The following COMP variants were observed in gnomAD, a reference collection of about 807,000 sequenced individuals.
COMP encodes the protein cartilage oligomeric matrix protein (pseudoachondroplasia, epiphyseal dysplasia 1, multiple).
Under a neutral mutation model 95.8 loss-of-function variants are expected in COMP, and 79 were observed. That is an observed-to-expected ratio of 0.82 (90% CI 0.69 to 0.99). The LOEUF is 0.99. COMP is among the 50% of genes least tolerant of loss of function. The pLI, the probability that COMP is intolerant of heterozygous loss-of-function variation, is 0.00. For synonymous variants in COMP, 438 were observed against 433.9 expected (o/e 1.01, Z -0.12); for missense variants, 906 against 1,076.1 (o/e 0.84, Z 2.21).
intron 1 of COMP, 36 bp from the exon 2 acceptor site, chr19:18,790,971 G>C: frequency 6.5e-7 from 1 of 1,546,868 alleles, no homozygotes. Flanking sequence ...GCGTCATGGG[G>C]CCGGGGAATC....
chr19:18,786,692 G>A, intron 10 of COMP, 42 bp from the exon 11 acceptor site: 1 of 1,506,412 alleles, frequency 6.6e-7, no homozygotes. Context: ...ATTGGGACCA[G>A]GCCAGAATGA....
In COMP at chr19:18,786,680, A is replaced by G. The variant is rs375262446; in HGVS notation, c.1136-30T>C. The G allele has an allele frequency of 3.8e-6, 6 of 1,561,056 alleles. No individual in the cohort carries two copies. The African/African-American group carries it at 8.3e-5, about 22-fold the overall frequency. On this transcript the variant is annotated intron_variant, in intron 10 of 18. Coordinates refer to ENST00000222271, the MANE Select transcript of COMP (RefSeq NM_000095.3). The stretch of plus-strand genomic sequence containing the variant: ...AGAAATCCACGGGACCAGAGCCCCA[A>G]GATTGGGACCAGGCCAGAATGACTT...
At chr19:18,787,965 G>C (rs978843227) in intron 9 of COMP, among the ~76,000 whole-genome samples, 2 of 147,996 alleles carry the variant, frequency 1.4e-5, no homozygotes, top group African/African-American at 2.5e-5. Flanking sequence ...GTGCAGTGGC[G>C]CGATCTCGGC....
intron 15 of COMP, 81 bp from the exon 16 acceptor site, chr19:18,785,173 C>T: frequency 7.4e-7 from 1 of 1,359,398 alleles, no homozygotes; most frequent in South Asian, 1.2e-5. Context: ...CCAAACCTGC[C>T]CCCTGGGTCC....
Position 18,790,116 on chromosome 19 carries a change from T to TG in COMP, c.218-3dup. 6.6e-7 allele frequency: 1 copy of TG among 1,507,402 alleles called. No homozygotes were observed. The highest frequency in any genetic ancestry group is 8.9e-7 in the Non-Finnish European group (1 of 1,128,220). The allele number at this position is 1,507,402 out of a possible 1,614,324, so 93.4% of individuals were successfully genotyped here. A position where few individuals can be genotyped will look rare whatever the true frequency, so the allele number is the denominator to read the frequency against. On this transcript the variant is annotated splice_polypyrimidine_tract_variant and splice_region_variant and intron_variant, in intron 3 of 18. Transcript: ENST00000222271. ...CGGTGCGTACTGACTGCTGCATCCCTGCGGGGGGGAGGGGGGAGAAGCGGC... is the reference window on the plus strand; with the variant it reads ...CGGTGCGTACTGACTGCTGCATCCCTGGCGGGGGGGAGGGGGGAGAAGCGGC...
rs1017600007 is a variant in COMP, at chr19:18,790,542, G to C, written c.217+20C>G. ...CTGTCTCCCGTCTCTTCTCTCTCCC[G>C]ACCGCCCCGCCGCGCTCACCGCACG... On this transcript the variant is annotated intron_variant, in intron 3 of 18. Coordinates refer to ENST00000222271, the MANE Select transcript of COMP (RefSeq NM_000095.3). 3 of 1,612,396 alleles carry C rather than the reference G, an allele frequency of 1.9e-6. No individual in the cohort carries two copies. The highest frequency in any genetic ancestry group is 2.5e-6 in the Non-Finnish European group (3 of 1,179,594).
chr19:18,787,990 G>A (rs934752053), intron 9 of COMP, among the ~76,000 whole-genome samples: 17 of 150,542 alleles, frequency 1.1e-4, no homozygotes, highest in Middle Eastern at 3.4e-3. Context: ...TGCAACCTCC[G>A]CCTCCCGGGT....
At chr19:18,785,420 AG>A in intron 15 of COMP, 77 bp downstream of exon 15, 4 of 1,498,678 alleles carry the variant, frequency 2.7e-6, no homozygotes, top group Non-Finnish European at 3.6e-6. Context: ...GCCCATTCTC[AG>A]CCCGGGCCTG....
Position 18,784,749 on chromosome 19 carries a change from C to T in COMP, c.1914+147G>A, listed in dbSNP as rs1038025441. 2.6e-5 allele frequency: 22 copies of T among 854,428 alleles called. No individual in the cohort carries two copies. Among genetic ancestry groups the T allele is most frequent in the East Asian group, 2.3e-4 (9 of 38,836 alleles). 52.9% of individuals were successfully genotyped at this position (854,428 alleles called of 1,614,324 possible). On this transcript the variant is annotated intron_variant, in intron 16 of 18. Coordinates refer to ENST00000222271, the MANE Select transcript of COMP (RefSeq NM_000095.3). This position sits in a 1 kb window ranked among gnomAD's most constrained non-coding sequence, Gnocchi z 4.9. ...AGGAACTGGGAGGATTTGGGGACTG[C>T]GGGAGCCCAGAGGAGGGCTGGGACA...
chr19:18,790,151 C>T (rs1425140567), intron 3 of COMP, 37 bp from the exon 4 acceptor site: 4 of 1,470,060 alleles, frequency 2.7e-6, no homozygotes, highest in Non-Finnish European at 3.6e-6. Flanking sequence ...CGGGGCTGAT[C>T]GGTGGCTCGC....
chr19:18,787,752 C>A lies in COMP; in HGVS notation c.976-102G>T, dbSNP rs925793813. Reference sequence around the variant, plus strand: ...GAGGACGCGTCTCCTCCTCAAGGAACCTTTCGCCCCTCCTAGACCACGGAG... The same window carrying A: ...GAGGACGCGTCTCCTCCTCAAGGAAACTTTCGCCCCTCCTAGACCACGGAG... On this transcript the variant is annotated intron_variant, in intron 9 of 18. Coordinates refer to ENST00000222271, the MANE Select transcript of COMP (RefSeq NM_000095.3). 47 of 1,524,196 alleles carry A rather than the reference C, an allele frequency of 3.1e-5. No individual in the cohort carries two copies. The African/African-American group carries it at 3.1e-4, about 10-fold the overall frequency. 94.4% of individuals were successfully genotyped at this position (1,524,196 alleles called of 1,614,324 possible). A position where few individuals can be genotyped will look rare whatever the true frequency, so the allele number is the denominator to read the frequency against.
Position 18,784,060 on chromosome 19 carries a change from C to G in COMP, c.2087+131G>C. On this transcript the variant is annotated intron_variant, in intron 17 of 18. Coordinates refer to ENST00000222271, the MANE Select transcript of COMP (RefSeq NM_000095.3). The surrounding 1 kb of genome is among the most constrained non-coding windows in gnomAD (Gnocchi z 4.9). ...ACGCCTGGACCAGCATAGGCTCATT[C>G]TAACTGCCCTGTATCTTTCCTATCG... 9.4e-7 allele frequency: 1 copy of G among 1,061,572 alleles called. No homozygotes were observed. The highest frequency in any genetic ancestry group is 1.4e-5 in the South Asian group (1 of 74,070). 65.8% of individuals were successfully genotyped at this position (1,061,572 alleles called of 1,614,324 possible). A position where few individuals can be genotyped will look rare whatever the true frequency, so the allele number is the denominator to read the frequency against.
At position 18,789,218 on chromosome 19, in the gene COMP, C is replaced by A; in HGVS notation, c.470G>T (p.Gly157Val). ...PGFRCEACPP[G>V]YSGPTHQGVG... Reference sequence around the variant, plus strand: ...GCCCTGGTGGGTGGGGCCGCTGTACCCCGGCGGGCAAGCCTCGCAGCGGAA... The same window carrying A: ...GCCCTGGTGGGTGGGGCCGCTGTACACCGGCGGGCAAGCCTCGCAGCGGAA... Residue 157 changes from glycine (G) to valine (V), a missense_variant, in exon 5 of 19, where the codon GGG becomes GTG. Transcript: ENST00000222271. The surrounding 1 kb of genome is among the most constrained non-coding windows in gnomAD (Gnocchi z 6.1). The A allele has an allele frequency of 6.5e-7, 1 of 1,538,604 alleles. No individual in the cohort carries two copies. The highest frequency in any genetic ancestry group is 1.3e-5 in the South Asian group (1 of 77,282).
chr19:18,785,887 A>C, intron 13 of COMP, 36 bp from the exon 14 acceptor site: 1 of 1,606,446 alleles, frequency 6.2e-7, no homozygotes, highest in South Asian at 1.1e-5. Context: ...GGCTAAAGTC[A>C]GGGCCCGCCC....
Position 18,791,260 on chromosome 19 carries a change from C to T in COMP, c.10G>A (p.Asp4Asn). Residue 4 changes from aspartate to asparagine, a missense_variant, in exon 1 of 19, where the codon GAC (aspartate) becomes AAC (asparagine). Coordinates refer to ENST00000222271, the MANE Select transcript of COMP (RefSeq NM_000095.3). MVP[D>N]TACVLLLTLA... ...GTGAGCAGAAGAACGCAGGCGGTGT[C>T]GGGGACCATGGCGGTGGCGGGGAGC... 3 of 1,596,380 alleles carry T rather than the reference C, an allele frequency of 1.9e-6. No homozygotes were observed. Among genetic ancestry groups the T allele is most frequent in the Non-Finnish European group, 2.6e-6 (3 of 1,173,438 alleles).
At chr19:18,785,445 C>G (rs2055158261) in intron 15 of COMP, 53 bp downstream of exon 15, 2 of 1,609,014 alleles carry the variant, frequency 1.2e-6, no homozygotes, top group African/African-American at 1.3e-5. Context: ...CTTCTCTGGC[C>G]CCTCTCCCTG....
rs986432274 is a variant in COMP at position 18,790,157 on chromosome 19, C to T, written c.218-43G>A. The T allele has an allele frequency of 4.1e-6, 6 of 1,449,892 alleles. No individual in the cohort carries two copies. The African/African-American group carries it at 5.6e-5, about 14-fold the overall frequency. The allele number at this position is 1,449,892 out of a possible 1,614,324, so 89.8% of individuals were successfully genotyped here. On this transcript the variant is annotated intron_variant, in intron 3 of 18. Coordinates refer to ENST00000222271, the MANE Select transcript of COMP (RefSeq NM_000095.3). ...GAGAAGCGGCGGGGCTGATCGGTGG[C>T]TCGCCCGGGGGCAGAGCCTATCATG...
At position 18,783,180 on chromosome 19, in the gene COMP, C is replaced by A. The variant is rs1478847238; in HGVS notation, c.2101G>T (p.Glu701Ter). Residue 701 changes from glutamate to a stop codon, truncating the protein, a stop_gained, in exon 18 of 19, where the codon GAG becomes TAG. Transcript: ENST00000222271. LOFTEE classifies it high-confidence loss of function. The stretch of plus-strand genomic sequence containing the variant: ...CTGTCGGCCACCAGCTCAGGGCCCT[C>A]ATAGAATCGCACCCTGAGGGTCAGA... ...QVGYIRVRFY[E>*]GPELVADSNV... The A allele has an allele frequency of 6.2e-7, 1 of 1,608,234 alleles. No individual in the cohort carries two copies. Among genetic ancestry groups the A allele is most frequent in the African/African-American group, 1.3e-5 (1 of 75,062 alleles).
At chr19:18,787,190 C>G (rs2055173579) in intron 10 of COMP, among the ~76,000 whole-genome samples, 1 of 152,192 alleles carries the variant, frequency 6.6e-6, no homozygotes, top group East Asian at 1.9e-4. Flanking sequence ...CCCTATGTCC[C>G]CATCTGTAAA....
Sources: gnomAD v4.1 joint callset for allele counts (sites outside exome capture counted in the v4.1 genomes callset) on GRCh38, gnomAD v4.1.1 for gene constraint, Gnocchi (gnomAD v3.1) non-coding constraint, MANE v1.5 for transcripts, NCBI Gene and HGNC (gene_info 2026-07-23, HGNC 2026-07-21) for gene names.